The following ELF2 variants were observed in gnomAD, a reference collection of about 807,000 sequenced individuals.
ELF2 encodes ETS-related transcription factor Elf-2.
Under a neutral mutation model 54.8 loss-of-function variants are expected in ELF2, and 11 were observed. The ratio of observed to expected loss-of-function variants is 0.20; its 90% CI spans 0.13 to 0.33. The LOEUF (loss-of-function observed/expected upper bound fraction) is 0.33. ELF2 is among the 10% of genes least tolerant of loss of function. The pLI, the probability that ELF2 is intolerant of heterozygous loss-of-function variation, is 1.00. For missense variants in ELF2, 513 were observed against 703.0 expected, an observed-to-expected ratio of 0.73 and a Z score of 3.06; for synonymous variants, 203 against 245.1, an observed-to-expected ratio of 0.83 and a Z score of 1.61.
chr4:139,141,479 A>G (rs2148867347), intron 1 of ELF2, among the ~76,000 whole-genome samples: 2 of 152,292 alleles, frequency 1.3e-5, no homozygotes, highest in East Asian at 3.9e-4. Flanking sequence ...CCTTAAACAC[A>G]GGGGATCCCA....
intron 4 of ELF2, among the ~76,000 whole-genome samples, chr4:139,093,245 G>C (rs1732876340): frequency 6.6e-6 from 1 of 152,104 alleles, no homozygotes. Flanking sequence ...GATTACAGGC[G>C]TGAGCCACCG....
chr4:139,084,412 G>C lies in ELF2; in HGVS notation c.239-10845C>G, dbSNP rs1019632644. On this transcript the variant is annotated intron_variant, in intron 4 of 9. Coordinates refer to ENST00000686138, the MANE Select transcript of ELF2 (RefSeq NM_001331036.3). ...GGGCTGAGAAACCCCACCACCTAAC[G>C]GCAGGGGCAGGGGCGGCAGGGGCAG... 13 of 1,294,694 alleles carry C rather than the reference G, an allele frequency of 1.0e-5. No homozygotes were observed. The Admixed American group carries it at 1.5e-4, about 15-fold the overall frequency. 80.2% of individuals were successfully genotyped at this position (1,294,694 alleles called of 1,614,324 possible). A position where few individuals can be genotyped will look rare whatever the true frequency, so the allele number is the denominator to read the frequency against.
intron 1 of ELF2, among the ~76,000 whole-genome samples, 194 bp from the exon 2 acceptor site, chr4:139,139,691 A>G (rs1276730311): frequency 6.6e-6 from 1 of 152,212 alleles, no homozygotes; most frequent in Non-Finnish European, 1.5e-5. Flanking sequence ...TATCAAACTT[A>G]AAATTTTAAT....
chr4:139,166,863 G>A (rs546112068), intron 1 of ELF2, among the ~76,000 whole-genome samples: 128 of 152,176 alleles, frequency 8.4e-4, no homozygotes, highest in Non-Finnish European at 1.0e-3. Flanking sequence ...GTGAGACTCC[G>A]TCTCAAAAAA....
chr4:139,075,500 G>T (rs1730178769), intron 4 of ELF2, among the ~76,000 whole-genome samples: 1 of 152,132 alleles, frequency 6.6e-6, no homozygotes, highest in Admixed American at 6.5e-5. Context: ...GCATGATCTA[G>T]CTCACTGCAA....
chr4:139,130,724 C>T (rs1035583951), intron 3 of ELF2, among the ~76,000 whole-genome samples: 5 of 152,158 alleles, frequency 3.3e-5, no homozygotes, highest in African/African-American at 1.2e-4. Flanking sequence ...TTTATATCCT[C>T]CTTAATAACA....
chr4:139,100,700 A>G (rs1165754628), intron 4 of ELF2: 6 of 152,164 alleles, frequency 3.9e-5, no homozygotes, highest in Middle Eastern at 3.2e-3. Flanking sequence ...TGAAATACAG[A>G]AAAAAAATAA....
chr4:139,091,423 A>C (rs919647599), intron 4 of ELF2, among the ~76,000 whole-genome samples: 1 of 152,258 alleles, frequency 6.6e-6, no homozygotes, highest in African/African-American at 2.4e-5. Flanking sequence ...TGGAAAAAGC[A>C]ACATAGCAAA....
At position 139,060,612 on chromosome 4, in the gene ELF2, T is replaced by A. The variant is rs953005204; in HGVS notation, c.869A>T (p.Lys290Met). ...GACCACTATGTTTTTCGGCATATCC[T>A]TGAACTGATATACAAGCCTCTGTCC... ...VEGQRLVYQF[K>M]DMPKNIVVID... The change falls in exon 9 of 10, where the codon AAG becomes ATG. Residue 290 changes from lysine to methionine, a missense_variant. Physicochemically the swap from Lys to Met is moderately conservative, Grantham distance 95. This residue lies in a region of ELF2 where 291 missense variants were observed against 366.1 expected (regional missense o/e 0.79). Coordinates refer to ENST00000686138, the MANE Select transcript of ELF2 (RefSeq NM_001331036.3). The A allele has an allele frequency of 1.1e-5, 17 of 1,613,318 alleles. No individual in the cohort carries two copies. The highest frequency in any genetic ancestry group is 1.4e-5 in the Non-Finnish European group (16 of 1,179,818).
At chr4:139,128,666 C>T (rs1417738103) in intron 3 of ELF2, among the ~76,000 whole-genome samples, 2 of 151,788 alleles carry the variant, frequency 1.3e-5, no homozygotes, top group African/African-American at 2.4e-5. Flanking sequence ...GGACTACAGG[C>T]ATGTGCCACC....
At chr4:139,107,062 A>G (rs1281149193) in intron 4 of ELF2, among the ~76,000 whole-genome samples, 1 of 152,056 alleles carries the variant, frequency 6.6e-6, no homozygotes, top group Non-Finnish European at 1.5e-5. Context: ...ACTATATTTC[A>G]ATATATATGG....
chr4:139,155,282 T>A (rs191120778), intron 1 of ELF2: 70 of 152,030 alleles, frequency 4.6e-4, no homozygotes, highest in African/African-American at 1.6e-3. Flanking sequence ...ATCAGTATGG[T>A]GACCTCCAAG....
chr4:139,092,681 G>C (rs1202089713), intron 4 of ELF2, among the ~76,000 whole-genome samples: 1 of 151,668 alleles, frequency 6.6e-6, no homozygotes, highest in African/African-American at 2.4e-5. Flanking sequence ...GCCGCCTGTA[G>C]TCCCAGCTAC....
chr4:139,079,444 G>C (rs533763149), intron 4 of ELF2, among the ~76,000 whole-genome samples: 2 of 152,212 alleles, frequency 1.3e-5, no homozygotes, highest in East Asian at 3.9e-4. Context: ...AAACAGTTTT[G>C]TCTTTACAGA....
rs1739864646 is a variant in ELF2, at chr4:139,151,034, AAGAAAGAAAGAAAGAAAGAAAGAAAG to A, written c.-251-11563_-251-11538del. Among the ~76,000 whole-genome samples, 3 of 42,480 alleles carry A rather than the reference AAGAAAGAAAGAAAGAAAGAAAGAAAG, an allele frequency of 7.1e-5. No individual in the cohort carries two copies. In the Admixed American group the frequency reaches 1.0e-3, roughly 15 times the overall value. The allele number at this position is 42,480 out of a possible 152,430, so 27.9% of individuals were successfully genotyped here. On this transcript the variant is annotated intron_variant, in intron 1 of 9. Transcript: ENST00000686138. ...ACGAGGCTCCATCTCAAAAAAAAAA[AAGAAAGAAAGAAAGAAAGAAAGAAAG>A]AAAGAAAGAAAGAAAGAAAGAAAGA...
chr4:139,160,511 T>C lies in ELF2; in HGVS notation c.-252+16456A>G, dbSNP rs541078127. Among the ~76,000 whole-genome samples, 5 of 152,238 alleles carry C rather than the reference T, an allele frequency of 3.3e-5. No individual in the cohort carries two copies. In the South Asian group the frequency reaches 6.2e-4, roughly 19 times the overall value. ...TGATGAGGAAGATTACAGAAAGTTA[T>C]AGACAAGGTAAAACAACTCAAAACA... On this transcript the variant is annotated intron_variant, in intron 1 of 9. Coordinates refer to ENST00000686138, the MANE Select transcript of ELF2 (RefSeq NM_001331036.3).
intron 4 of ELF2, among the ~76,000 whole-genome samples, chr4:139,081,533 A>G (rs1190246528): frequency 6.6e-6 from 1 of 152,194 alleles, no homozygotes; most frequent in African/African-American, 2.4e-5. Context: ...TATTTTTTAC[A>G]TTTATACATT....
chr4:139,087,560 G>A (rs1437436196), intron 4 of ELF2, among the ~76,000 whole-genome samples: 1 of 152,162 alleles, frequency 6.6e-6, no homozygotes, highest in African/African-American at 2.4e-5. Context: ...CCGCCTCCCG[G>A]GTTCATGCCA....
chr4:139,085,789 A>C (rs1370812178), intron 4 of ELF2, among the ~76,000 whole-genome samples: 1 of 152,196 alleles, frequency 6.6e-6, no homozygotes, highest in African/African-American at 2.4e-5. Context: ...CATCATCCTT[A>C]GCTGGGCATT....
Sources: gnomAD v4.1 joint callset for allele counts (sites outside exome capture counted in the v4.1 genomes callset) on GRCh38, gnomAD v4.1.1 for gene constraint, gnomAD v4.1.1 regional missense constraint, MANE v1.5 for transcripts, NCBI Gene and HGNC (gene_info 2026-07-23, HGNC 2026-07-21) for gene names.